The following TPRX1 variants were observed in gnomAD, a reference collection of about 807,000 sequenced individuals.
TPRX1 encodes tetrapeptide repeat homeobox 1.
Under a neutral mutation model 8.1 loss-of-function variants are expected in TPRX1, and 2 were observed. The observed-to-expected ratio is 0.25, with a 90% CI of 0.10 to 0.78. The LOEUF (loss-of-function observed/expected upper bound fraction) is 0.78, where lower values mean the gene tolerates loss of function less well. Among genes scored for constraint, TPRX1 ranks in the 30% least tolerant of loss-of-function variants. The probability of loss-of-function intolerance (pLI) is 0.70; values close to 1 mark genes in which losing one functional copy is unlikely to be tolerated. For synonymous variants in TPRX1, 257 were observed against 254.1 expected (o/e 1.01, Z -0.11); for missense variants, 517 against 586.9 (o/e 0.88, Z 1.23).
chr19:47,802,062 C>T lies in TPRX1; in HGVS notation c.1240G>A (p.Val414Ile), dbSNP rs191563892. ...CCTGGGCCTGGGATTGGAGCTGGGACTGAGCCTGAGCCTGGGCCTGAGCCT... is the reference window on the plus strand; with the variant it reads ...CCTGGGCCTGGGATTGGAGCTGGGATTGAGCCTGAGCCTGGGCCTGAGCCT... The change falls in exon 4 of 4, where the codon GTC becomes ATC. Residue 414 changes from valine (V) to isoleucine (I), a missense_variant. By Grantham distance (29) the Val-to-Ile change is conservative (BLOSUM62 3). Transcript: ENST00000535759. The T allele has an allele frequency of 5.7e-4, 907 of 1,594,548 alleles. 5 individuals are homozygous for T. The Admixed American group carries it at 0.015, about 27-fold the overall frequency.
chr19:47,810,155 T>A (rs1363401670), intron 2 of TPRX1, among the ~76,000 whole-genome samples: 1 of 140,138 alleles, frequency 7.1e-6, no homozygotes, highest in Non-Finnish European at 1.5e-5. Context: ...CTTGGGAGGC[T>A]GAGTTAGGAG....
chr19:47,801,813 C>G, exon 4 of TPRX1: 2 of 1,613,998 alleles, frequency 1.2e-6, no homozygotes, highest in South Asian at 2.2e-5. Flanking sequence ...GAGTGATTTT[C>G]ATTCACAGAG....
chr19:47,802,151 A>G, exon 4 of TPRX1: 1 of 1,594,070 alleles, frequency 6.3e-7, no homozygotes. Context: ...AGGACTTAAG[A>G]TGGGACCTGG....
intron 2 of TPRX1, among the ~76,000 whole-genome samples, chr19:47,818,312 C>CCCCT (rs1967865705): frequency 9.8e-6 from 1 of 101,826 alleles, no homozygotes; most frequent in African/African-American, 5.1e-5. Context: ...CCATCCATCA[C>CCCCT]CCATCCATCC....
intron 2 of TPRX1, among the ~76,000 whole-genome samples, chr19:47,806,718 A>C (rs1203985235): frequency 2.0e-5 from 3 of 152,174 alleles, no homozygotes; most frequent in Non-Finnish European, 4.4e-5. Context: ...CTATTTATAC[A>C]AAGTGTCCAG....
At chr19:47,807,840 G>A (rs1229961911) in intron 2 of TPRX1, among the ~76,000 whole-genome samples, 1 of 152,092 alleles carries the variant, frequency 6.6e-6, no homozygotes, top group East Asian at 1.9e-4. Flanking sequence ...CATTGATGAA[G>A]TGTAGGTTGG....
chr19:47,818,368 CA>C lies in TPRX1; in HGVS notation c.151+99del, dbSNP rs1456910551. ...TCCATCCATCCATCCATCCATCCAT[CA>C]TCCATCACCCATCCATCCCTCCATC... On this transcript the variant is annotated intron_variant, in intron 2 of 3. Transcript: ENST00000535759. 15 of 299,198 alleles carry C rather than the reference CA, an allele frequency of 5.0e-5. 1 individual carries two copies. The highest frequency in any genetic ancestry group is 2.3e-4 in the African/African-American group (5 of 22,056). The allele number at this position is 299,198 out of a possible 1,614,324, so 18.5% of individuals were successfully genotyped here. A position where few individuals can be genotyped will look rare whatever the true frequency, so the allele number is the denominator to read the frequency against.
chr19:47,814,887 C>G (rs1447163452), intron 2 of TPRX1, among the ~76,000 whole-genome samples: 1 of 151,654 alleles, frequency 6.6e-6, no homozygotes, highest in Admixed American at 6.6e-5. Context: ...GCAACCTCTG[C>G]CTCCTGGACT....
intron 2 of TPRX1, among the ~76,000 whole-genome samples, chr19:47,808,880 G>A (rs1025061625): frequency 2.0e-4 from 31 of 152,236 alleles, no homozygotes; most frequent in African/African-American, 7.2e-4. Context: ...ATTAATTCAC[G>A]CCCACAAATT....
Position 47,801,724 on chromosome 19 carries a change from C to G in TPRX1, c.*51G>C, listed in dbSNP as rs373102507. On this transcript the variant is annotated 3_prime_UTR_variant, in exon 4 of 4. Coordinates refer to ENST00000535759, the Ensembl canonical transcript of TPRX1. ...GCAGAAAGTCACCAGCAGTGTAGATCAGCCACTCCAGGCCCTCTGGGATCT... is the reference window on the plus strand; with the variant it reads ...GCAGAAAGTCACCAGCAGTGTAGATGAGCCACTCCAGGCCCTCTGGGATCT... 5.9e-5 allele frequency: 92 copies of G among 1,547,168 alleles called. No individual in the cohort carries two copies. The African/African-American group carries it at 1.1e-3, about 19-fold the overall frequency.
intron 2 of TPRX1, among the ~76,000 whole-genome samples, chr19:47,809,135 GTAA>G (rs1230622470): frequency 6.6e-6 from 1 of 152,114 alleles, no homozygotes; most frequent in East Asian, 1.9e-4. Context: ...AAGGTGCTGA[GTAA>G]TAATGTACTA....
chr19:47,809,970 C>T (rs78895111), intron 2 of TPRX1, among the ~76,000 whole-genome samples: 1 of 151,932 alleles, frequency 6.6e-6, no homozygotes, highest in South Asian at 2.1e-4. Flanking sequence ...GAAATCCATT[C>T]TTGGCCAGAC....
intron 2 of TPRX1, among the ~76,000 whole-genome samples, chr19:47,812,410 A>C: frequency 6.6e-6 from 1 of 151,866 alleles, no homozygotes; most frequent in South Asian, 2.1e-4. Context: ...CAGCCTGGGC[A>C]ACATAGCGAG....
At chr19:47,815,131 T>TATATGCAAATATATATATATGCAA (rs1555800037) in intron 2 of TPRX1, among the ~76,000 whole-genome samples, 1 of 111,476 alleles carries the variant, frequency 9.0e-6, no homozygotes, top group African/African-American at 3.7e-5. Flanking sequence ...TATATATATA[T>TATATGCAAATATATATATATGCAA]ATATATATAT....
exon 4 of TPRX1, chr19:47,802,457 C>T: frequency 6.6e-7 from 1 of 1,513,844 alleles, no homozygotes; most frequent in South Asian, 1.2e-5. Flanking sequence ...TGGGATCGGG[C>T]CTGGGTTTGG....
At chr19:47,817,913 C>T (rs1967858996) in intron 2 of TPRX1, among the ~76,000 whole-genome samples, 1 of 152,238 alleles carries the variant, frequency 6.6e-6, no homozygotes, top group African/African-American at 2.4e-5. Flanking sequence ...TCTGCCGCAT[C>T]CGTAGGCTCC....
chr19:47,813,170 C>CT (rs1439194276), intron 2 of TPRX1, among the ~76,000 whole-genome samples: 3 of 144,474 alleles, frequency 2.1e-5, no homozygotes, highest in African/African-American at 7.7e-5. Flanking sequence ...CCCCCCACCC[C>CT]GCCAAAATTA....
intron 2 of TPRX1, among the ~76,000 whole-genome samples, chr19:47,806,681 G>A (rs533235679): frequency 7.2e-4 from 110 of 152,228 alleles, no homozygotes; most frequent in Non-Finnish European, 1.2e-3. Context: ...AGTGAAAGAC[G>A]CCAGACTCAA....
chr19:47,802,195 T>C, exon 4 of TPRX1: 1 of 1,611,400 alleles, frequency 6.2e-7, no homozygotes, highest in South Asian at 1.1e-5. Context: ...GGATCTGGGC[T>C]GGGCTGGGAA....
Sources: allele counts gnomAD v4.1 joint callset (sites outside exome capture counted in the v4.1 genomes callset), GRCh38; gene constraint gnomAD v4.1.1; transcripts MANE v1.5; gene names NCBI Gene and HGNC (gene_info 2026-07-23, HGNC 2026-07-21).